ZNF263: variants seen among roughly 807,000 people sequenced by gnomAD.
ZNF263 encodes the protein zinc finger protein 263.
In ZNF263, 49 loss-of-function variants were observed where a neutral mutation model predicts 63.1. That is an observed-to-expected ratio of 0.78 (90% CI 0.62 to 0.99). The LOEUF (loss-of-function observed/expected upper bound fraction) is 0.99, where lower values mean the gene tolerates loss of function less well. Among genes scored for constraint, ZNF263 ranks in the 50% least tolerant of loss-of-function variants. The pLI, the probability that ZNF263 is intolerant of heterozygous loss-of-function variation, is 0.00. For synonymous variants in ZNF263, 352 were observed against 324.2 expected (o/e 1.09, Z -0.92); for missense variants, 872 against 854.8 (o/e 1.02, Z -0.25).
chr16:3,290,739 G>C lies in ZNF263; in HGVS notation c.*181G>C. ...TGGCATAAAACTGAAAAGGAGTTCT[G>C]TCTGCATGAGAAAGGATGGCAAGTC... On this transcript the variant is annotated 3_prime_UTR_variant, in exon 6 of 6. Coordinates refer to ENST00000219069, the MANE Select transcript of ZNF263 (RefSeq NM_005741.5). 7.1e-7 allele frequency: 1 copy of C among 1,409,040 alleles called. No individual in the cohort carries two copies. 87.3% of individuals were successfully genotyped at this position (1,409,040 alleles called of 1,614,324 possible).
At chr16:3,285,639 A>T in intron 2 of ZNF263, 42 bp from the exon 3 acceptor site, 1 of 1,595,576 alleles carries the variant, frequency 6.3e-7, no homozygotes, top group South Asian at 1.1e-5. Flanking sequence ...GGTTGCCAAG[A>T]GTTAGGAATG....
chr16:3,291,376 T>C lies in ZNF263; in HGVS notation c.*818T>C, dbSNP rs902882146. On this transcript the variant is annotated 3_prime_UTR_variant, in exon 6 of 6. Transcript: ENST00000219069. The stretch of plus-strand genomic sequence containing the variant: ...GAGAGATTCCCTGGAAAATTGAAAA[T>C]GTGAATCCTAGGGGGAAATTGGGGA... 1 of 985,180 alleles carries C rather than the reference T, an allele frequency of 1.0e-6. No individual in the cohort carries two copies. The highest frequency in any genetic ancestry group is 6.1e-5 in the Admixed American group (1 of 16,276). The allele number at this position is 985,180 out of a possible 1,614,324, so 61.0% of individuals were successfully genotyped here. A position where few individuals can be genotyped will look rare whatever the true frequency, so the allele number is the denominator to read the frequency against.
rs751240448 is a variant in ZNF263, at chr16:3,286,046, G to A, written c.666G>A (p.Val222=). 1 of 1,613,312 alleles carries A rather than the reference G, an allele frequency of 6.2e-7. No homozygotes were observed. The highest frequency in any genetic ancestry group is 1.1e-5 in the South Asian group (1 of 90,924). ...AGTTGCCTGAGAGCTTAGAGGACGT[G>A]GCAATGTACATCTCCCAGGAGGAGT... ...GPQLPESLED[V]AMYISQEEWG... Residue 222 remains valine (V), a synonymous_variant, in exon 4 of 6, where the codon GTG becomes GTA. Coordinates refer to ENST00000219069, the MANE Select transcript of ZNF263 (RefSeq NM_005741.5).
chr16:3,285,371 G>A (rs1959307662), intron 2 of ZNF263, 132 bp downstream of exon 2: 2 of 1,107,738 alleles, frequency 1.8e-6, no homozygotes, highest in Non-Finnish European at 2.5e-6. Context: ...TGGAATGAAA[G>A]ACCTGCAGTT....
At chr16:3,286,178 C>T (rs1959349259) in intron 4 of ZNF263, 29 bp downstream of exon 4, 1 of 1,566,784 alleles carries the variant, frequency 6.4e-7, no homozygotes, top group African/African-American at 1.4e-5. Flanking sequence ...GGGATGATGA[C>T]TGCGCCATTT....
At position 3,288,587 on chromosome 16, in the gene ZNF263, A is replaced by T. The variant is rs142889734; in HGVS notation, c.886+17A>T. On this transcript the variant is annotated intron_variant, in intron 5 of 5. Coordinates refer to ENST00000219069, the MANE Select transcript of ZNF263 (RefSeq NM_005741.5). ...CAGCTCCAGGTAAGGAATGAAGACA[A>T]GTGGCCTGCGCAGCAAGCAGCAAGG... is the stretch of plus-strand genomic sequence containing the variant. 1 of 1,579,344 alleles carries T rather than the reference A, an allele frequency of 6.3e-7. No individual in the cohort carries two copies. Among genetic ancestry groups the T allele is most frequent in the Admixed American group, 1.8e-5 (1 of 57,048 alleles).
chr16:3,283,649 G>T lies in ZNF263; in HGVS notation c.-170G>T. On this transcript the variant is annotated 5_prime_UTR_variant, in exon 1 of 6. Transcript: ENST00000219069. The stretch of plus-strand genomic sequence containing the variant: ...GTGGCGGCGCCTGGGACCGACTGAG[G>T]CCTAGGCGCCGGAGCCGGCCGCGCC... 3.5e-6 allele frequency: 4 copies of T among 1,128,284 alleles called. No homozygotes were observed. The highest frequency in any genetic ancestry group is 4.6e-6 in the Non-Finnish European group (4 of 875,588). 69.9% of individuals were successfully genotyped at this position (1,128,284 alleles called of 1,614,324 possible).
At chr16:3,296,456 CAA>C (rs1959748061), downstream of ZNF263, among the ~76,000 whole-genome samples, 1 of 152,072 alleles carries the variant, frequency 6.6e-6, no homozygotes, top group Admixed American at 6.6e-5. Flanking sequence ...AAACATCAAG[CAA>C]AGAGTAATTA....
downstream of ZNF263, among the ~76,000 whole-genome samples, chr16:3,293,680 C>G (rs76250873): frequency 0.017 from 2,626 of 152,310 alleles, 79 homozygotes; most frequent in African/African-American, 0.06. Flanking sequence ...ATGAAACCAG[C>G]AGGGAGGCTG....
intron 2 of ZNF263, chr16:3,299,369 C>G (rs1020687224): frequency 1.9e-6 from 3 of 1,570,412 alleles, no homozygotes; most frequent in Non-Finnish European, 2.6e-6. Context: ...TCCCCATGTT[C>G]TAAGCCTTGA....
In ZNF263 at chr16:3,291,310, T is replaced by A; in HGVS notation, c.*752T>A. The A allele has an allele frequency of 1.0e-6, 1 of 985,008 alleles. No homozygotes were observed. Among genetic ancestry groups the A allele is most frequent in the Non-Finnish European group, 1.2e-6 (1 of 829,820 alleles). The allele number at this position is 985,008 out of a possible 1,614,324, so 61.0% of individuals were successfully genotyped here. Reference sequence around the variant, plus strand: ...GTGAGAAAAATAAACAGCTCTGGAGTCTTGTTCCTGACTCCAGAGGAACGA... The same window carrying A: ...GTGAGAAAAATAAACAGCTCTGGAGACTTGTTCCTGACTCCAGAGGAACGA... On this transcript the variant is annotated 3_prime_UTR_variant, in exon 6 of 6. Coordinates refer to ENST00000219069, the MANE Select transcript of ZNF263 (RefSeq NM_005741.5).
chr16:3,290,561 A>G lies in ZNF263; in HGVS notation c.*3A>G, dbSNP rs373071902. On this transcript the variant is annotated 3_prime_UTR_variant, in exon 6 of 6. Coordinates refer to ENST00000219069, the MANE Select transcript of ZNF263 (RefSeq NM_005741.5). ...ATCAGAGAACTCACACAGGTTAGTAACAGTGGGGTTTCTCTTTGCCCCAGG... is the reference window on the plus strand; with the variant it reads ...ATCAGAGAACTCACACAGGTTAGTAGCAGTGGGGTTTCTCTTTGCCCCAGG... 2.5e-6 allele frequency: 4 copies of G among 1,598,510 alleles called. No homozygotes were observed. Among genetic ancestry groups the G allele is most frequent in the Non-Finnish European group, 3.4e-6 (4 of 1,172,168 alleles).
At chr16:3,298,111 C>A (rs1959813060) in intron 1 of ZNF263, among the ~76,000 whole-genome samples, 1 of 152,176 alleles carries the variant, frequency 6.6e-6, no homozygotes, top group South Asian at 2.1e-4. Flanking sequence ...TATTAAAAAA[C>A]CATCAAATGT....
At position 3,291,050 on chromosome 16, in the gene ZNF263, C is replaced by A. The variant is rs1358460956; in HGVS notation, c.*492C>A. The A allele has an allele frequency of 2.2e-5, 22 of 994,432 alleles. No individual in the cohort carries two copies. Among genetic ancestry groups the A allele is most frequent in the Non-Finnish European group, 2.5e-5 (21 of 834,350 alleles). The allele number at this position is 994,432 out of a possible 1,614,324, so 61.6% of individuals were successfully genotyped here. A position where few individuals can be genotyped will look rare whatever the true frequency, so the allele number is the denominator to read the frequency against. On this transcript the variant is annotated 3_prime_UTR_variant, in exon 6 of 6. Transcript: ENST00000219069. ...AAGACTGGTTGTGAGTTGCAGCTGT[C>A]CCGAAGGCCCCAGTTGGGAAGCCAT...
In ZNF263 at chr16:3,290,126, T is replaced by TGA. The variant is rs763274759; in HGVS notation, c.1631_1632dup (p.Leu545AspfsTer12). 3 of 1,613,738 alleles carry TGA rather than the reference T, an allele frequency of 1.9e-6. No homozygotes were observed. The highest frequency in any genetic ancestry group is 8.5e-7 in the Non-Finnish European group (1 of 1,179,934). On this transcript the variant is annotated frameshift_variant, in exon 6 of 6. Transcript: ENST00000219069. LOFTEE classifies it high-confidence loss of function. Reference sequence around the variant, plus strand: ...ACCTCGTCATTCACGAAAGAACTCATGAGAGAGAGAGACTTTACCCCTTCT... The same window carrying TGA: ...ACCTCGTCATTCACGAAAGAACTCATGAGAGAGAGAGAGACTTTACCCCTTCT...
At chr16:3,300,682 A>T (rs759418438) in intron 2 of ZNF263, 25 of 1,515,644 alleles carry the variant, frequency 1.6e-5, no homozygotes, top group Non-Finnish European at 2.2e-5. Context: ...TTGGCAAAAA[A>T]AAAACCCACA....
At chr16:3,300,612 C>G in intron 2 of ZNF263, 1 of 1,556,978 alleles carries the variant, frequency 6.4e-7, no homozygotes, top group Non-Finnish European at 8.7e-7. Context: ...CTCTCTTATT[C>G]ATACTGAATT....
In ZNF263 at chr16:3,290,124, C is replaced by A. The variant is rs1397277762; in HGVS notation, c.1618C>A (p.His540Asn). The A allele has an allele frequency of 1.2e-6, 2 of 1,614,114 alleles. No individual in the cohort carries two copies. Among genetic ancestry groups the A allele is most frequent in the Admixed American group, 3.3e-5 (2 of 60,014 alleles). The change falls in exon 6 of 6, where the codon CAT (histidine) becomes AAT (asparagine). Residue 540 changes from histidine (H) to asparagine (N), a missense_variant. By Grantham distance (68) the His-to-Asn change is moderately conservative (BLOSUM62 1). Coordinates refer to ENST00000219069, the MANE Select transcript of ZNF263 (RefSeq NM_005741.5). ...SSHLVIHERT[H>N]ERERLYPFSE... ...ACACCTCGTCATTCACGAAAGAACT[C>A]ATGAGAGAGAGAGACTTTACCCCTT...
rs757571412 is a variant in ZNF263, at chr16:3,290,471, A to C, written c.1965A>C (p.Gly655=). 8 of 1,614,104 alleles carry C rather than the reference A, an allele frequency of 5.0e-6. No homozygotes were observed. Among genetic ancestry groups the C allele is most frequent in the Non-Finnish European group, 6.8e-6 (8 of 1,180,016 alleles). ...TTCGCCACCTGAGAACGCATACGGG[A>C]GAGAGACCCTATAAATGTTCTGAAT... ...NRIRHLRTHT[G]ERPYKCSECG... The change falls in exon 6 of 6, where the codon GGA becomes GGC. Residue 655 remains glycine (G), a synonymous_variant. Coordinates refer to ENST00000219069, the MANE Select transcript of ZNF263 (RefSeq NM_005741.5).
Sources: allele counts gnomAD v4.1 joint callset (sites outside exome capture counted in the v4.1 genomes callset), GRCh38; gene constraint gnomAD v4.1.1; transcripts MANE v1.5; gene names NCBI Gene and HGNC (gene_info 2026-07-23, HGNC 2026-07-21).